The following COL4A6 variants were observed in gnomAD, a reference collection of about 807,000 sequenced individuals.
COL4A6 encodes the protein collagen alpha-6(IV) chain.
In COL4A6, 59 loss-of-function variants were observed where a neutral mutation model predicts 126.7. That is an observed-to-expected ratio of 0.47 (90% CI 0.38 to 0.58). COL4A6 has a LOEUF of 0.58. COL4A6 is among the 20% of genes least tolerant of loss of function. The probability of loss-of-function intolerance (pLI) is 0.00; values close to 1 mark genes in which losing one functional copy is unlikely to be tolerated. For synonymous variants in COL4A6, 547 were observed against 496.6 expected (o/e 1.10, Z -1.35); for missense variants, 1,285 against 1,337.3 (o/e 0.96, Z 0.61).
At chrX:108,175,870 G>A in intron 28 of COL4A6, 73 bp from the exon 29 acceptor site, 2 of 909,796 alleles carry the variant, frequency 2.2e-6, no homozygotes, top group Admixed American at 3.4e-5. Context: ...GGGAGGTTGA[G>A]TAACTTGCCC....
chrX:108,222,802 T>C (rs1207367452), intron 3 of COL4A6, among the ~76,000 whole-genome samples: 1 of 112,046 alleles, frequency 8.9e-6, no homozygotes, highest in Non-Finnish European at 1.9e-5. Context: ...CTACCTCCCA[T>C]TGTTGGAACT....
intron 2 of COL4A6, among the ~76,000 whole-genome samples, chrX:108,412,409 G>A (rs926480893): frequency 2.7e-5 from 3 of 111,545 alleles, no homozygotes; most frequent in Middle Eastern, 4.2e-3. Context: ...AGTCTCTCAC[G>A]CTTAACAAGT....
At chrX:108,169,766 A>T in intron 36 of COL4A6, 146 bp from the exon 37 acceptor site, 1 of 931,364 alleles carries the variant, frequency 1.1e-6, no homozygotes, top group Non-Finnish European at 1.5e-6. Context: ...TAATCTGAGT[A>T]GAAGAAAAAA....
At chrX:108,324,895 A>C (rs1023807918) in intron 2 of COL4A6, among the ~76,000 whole-genome samples, 3 of 112,360 alleles carry the variant, frequency 2.7e-5, no homozygotes, top group African/African-American at 9.7e-5. Flanking sequence ...CAAATACACC[A>C]GGACCTCTGT....
At chrX:108,261,548 C>T (rs1449739689) in intron 3 of COL4A6, among the ~76,000 whole-genome samples, 4 of 111,513 alleles carry the variant, frequency 3.6e-5, no homozygotes, top group African/African-American at 6.5e-5. Flanking sequence ...GGCCCCTGCT[C>T]ATTCCATGAT....
At chrX:108,198,170 T>C (rs1203793506) in intron 13 of COL4A6, among the ~76,000 whole-genome samples, 1 of 111,662 alleles carries the variant, frequency 9.0e-6, no homozygotes, top group Non-Finnish European at 1.9e-5. Flanking sequence ...CTCTTTTATC[T>C]TTCTCCAAGG....
intron 2 of COL4A6, among the ~76,000 whole-genome samples, chrX:108,390,202 A>G (rs757770851): frequency 2.4e-4 from 27 of 110,441 alleles, no homozygotes; most frequent in Non-Finnish European, 5.1e-4. Flanking sequence ...TGACAATTAT[A>G]TATCTTGAGG....
chrX:108,175,881 A>G, intron 28 of COL4A6, 84 bp from the exon 29 acceptor site: 1 of 788,881 alleles, frequency 1.3e-6, no homozygotes, highest in Admixed American at 3.6e-5. Context: ...TAACTTGCCC[A>G]AAGTCATACA....
At chrX:108,409,358 G>A (rs1451581442) in intron 2 of COL4A6, among the ~76,000 whole-genome samples, 1 of 111,856 alleles carries the variant, frequency 8.9e-6, no homozygotes, top group African/African-American at 3.3e-5. Context: ...TTATTATTTC[G>A]AATAATAATT....
intron 2 of COL4A6, among the ~76,000 whole-genome samples, chrX:108,385,319 A>T (rs2040661045): frequency 9.0e-6 from 1 of 110,847 alleles, no homozygotes; most frequent in Admixed American, 9.6e-5. Flanking sequence ...TAGTTGGAAA[A>T]CTACAAAACA....
At chrX:108,342,572 C>T (rs976579283) in intron 2 of COL4A6, among the ~76,000 whole-genome samples, 9 of 111,825 alleles carry the variant, frequency 8.0e-5, no homozygotes, top group African/African-American at 2.3e-4. Context: ...AAAATACACT[C>T]TGTACAATGA....
chrX:108,241,956 T>C (rs2036583988), intron 3 of COL4A6, among the ~76,000 whole-genome samples: 1 of 108,862 alleles, frequency 9.2e-6, no homozygotes, highest in East Asian at 2.9e-4. Flanking sequence ...TGGTAGATAC[T>C]ATTAACAAAA....
intron 2 of COL4A6, among the ~76,000 whole-genome samples, chrX:108,346,457 GT>G (rs2039709481): frequency 9.0e-6 from 1 of 111,460 alleles, no homozygotes; most frequent in South Asian, 3.8e-4. Flanking sequence ...CACCAAAAAG[GT>G]TTCTTCTCTT....
chrX:108,390,751 T>C (rs1306053359), intron 2 of COL4A6, among the ~76,000 whole-genome samples: 2 of 110,772 alleles, frequency 1.8e-5, no homozygotes, highest in Non-Finnish European at 3.8e-5. Context: ...AAACTCATTC[T>C]CCATCCAGTT....
rs200532995 is a variant in COL4A6, at chrX:108,221,392, A to G, written c.145-18T>C. The G allele has an allele frequency of 5.1e-5, 62 of 1,205,031 alleles. No homozygotes were observed. Among genetic ancestry groups the G allele is most frequent in the Admixed American group, 1.3e-4 (6 of 45,531 alleles). On this transcript the variant is annotated intron_variant, in intron 3 of 44. Coordinates refer to ENST00000334504, the MANE Select transcript of COL4A6 (RefSeq NM_033641.4). ...GGTCGTCCCTAAGGTGGACAGAAGG[A>G]GTGCAATTAGTCAATAGAGGACTTA... is the stretch of plus-strand genomic sequence containing the variant.
chrX:108,282,337 G>A (rs1447865821), intron 3 of COL4A6, among the ~76,000 whole-genome samples: 2 of 106,617 alleles, frequency 1.9e-5, no homozygotes, highest in Non-Finnish European at 3.9e-5. Context: ...GTGGGCGAAG[G>A]ACATGAACAG....
At chrX:108,437,911 G>A (rs1260014649) in intron 2 of COL4A6, 31 bp downstream of exon 2, 7 of 1,204,648 alleles carry the variant, frequency 5.8e-6, no homozygotes, top group East Asian at 3.0e-5. Flanking sequence ...CAAAGGAGGG[G>A]GACGGAAAAG....
intron 2 of COL4A6, among the ~76,000 whole-genome samples, chrX:108,392,500 T>A (rs2040860164): frequency 9.1e-6 from 1 of 109,985 alleles, no homozygotes; most frequent in Non-Finnish European, 1.9e-5. Flanking sequence ...TTTAAGTGAC[T>A]GATAAGCACA....
intron 2 of COL4A6, among the ~76,000 whole-genome samples, chrX:108,324,086 C>T (rs985613545): frequency 2.7e-5 from 3 of 112,352 alleles, no homozygotes; most frequent in African/African-American, 9.7e-5. Context: ...AATCCTTTAA[C>T]GTTTCTAGTT....
Sources: allele counts gnomAD v4.1 joint callset (sites outside exome capture counted in the v4.1 genomes callset), GRCh38; gene constraint gnomAD v4.1.1; transcripts MANE v1.5; gene names NCBI Gene and HGNC (gene_info 2026-07-23, HGNC 2026-07-21).